TBK1: variants seen among roughly 807,000 people sequenced by gnomAD.
TBK1 encodes the protein serine/threonine-protein kinase TBK1.
A neutral mutation model predicts 99.9 loss-of-function variants in TBK1; 37 were observed. The observed-to-expected ratio is 0.37, with a 90% CI of 0.28 to 0.49. TBK1 has a LOEUF of 0.49. Among genes scored for constraint, TBK1 ranks in the 20% least tolerant of loss-of-function variants. The pLI is 0.98. For synonymous variants in TBK1, 258 were observed against 279.8 expected (o/e 0.92, Z 0.78); for missense variants, 644 against 872.5 (o/e 0.74, Z 3.30).
chr12:64,453,234 A>G (rs1035522615), intron 1 of TBK1, among the ~76,000 whole-genome samples: 3 of 152,250 alleles, frequency 2.0e-5, no homozygotes, highest in African/African-American at 7.2e-5. Context: ...TTACTGTTAA[A>G]TAGAAACCAT....
In TBK1 at chr12:64,485,457, T is replaced by C. The variant is rs781434264; in HGVS notation, c.1192T>C (p.Ser398Pro). The change falls in exon 10 of 21, where the codon TCC becomes CCC. Residue 398 changes from serine to proline, a missense_variant and splice_region_variant. This residue lies in a region of TBK1 where 465 missense variants were observed against 588.0 expected (regional missense o/e 0.79). Coordinates refer to ENST00000331710, the MANE Select transcript of TBK1 (RefSeq NM_013254.4). ...TTTTATTTTACTTCATATTTCAGTT[T>C]CCCTCCCTAAAGTACATCCACGTTA... The part of the protein sequence containing the change: ...NTIGLIYEKI[S>P]LPKVHPRYDL... The C allele has an allele frequency of 6.5e-7, 1 of 1,530,308 alleles. No individual in the cohort carries two copies. The highest frequency in any genetic ancestry group is 1.4e-5 in the African/African-American group (1 of 72,650). The allele number at this position is 1,530,308 out of a possible 1,614,324, so 94.8% of individuals were successfully genotyped here.
At chr12:64,476,176 G>A (rs1204168096) in intron 6 of TBK1, among the ~76,000 whole-genome samples, 2 of 32,262 alleles carry the variant, frequency 6.2e-5, no homozygotes, top group Non-Finnish European at 1.1e-4. Flanking sequence ...TTTTTTTTTT[G>A]AGATGGAGTC....
At chr12:64,453,836 A>G (rs571997147) in intron 1 of TBK1, among the ~76,000 whole-genome samples, 2 of 152,344 alleles carry the variant, frequency 1.3e-5, no homozygotes, top group South Asian at 4.1e-4. Flanking sequence ...GCTTTTCAGT[A>G]TTAAAGACTT....
In TBK1 at chr12:64,455,840, TATA is replaced by T; in HGVS notation, c.-29_-27del. The stretch of plus-strand genomic sequence containing the variant: ...GTTGCAAATTTTTTTTTTCTCTTAG[TATA>T]ACAAGAGGATTGCCTGATCCAGCCA... On this transcript the variant is annotated splice_region_variant and 5_prime_UTR_variant, in exon 2 of 21. Coordinates refer to ENST00000331710, the MANE Select transcript of TBK1 (RefSeq NM_013254.4). 6.4e-7 allele frequency: 1 copy of T among 1,567,192 alleles called. No homozygotes were observed. Among genetic ancestry groups the T allele is most frequent in the Non-Finnish European group, 8.6e-7 (1 of 1,157,082 alleles).
At chr12:64,490,469 AT>A (rs759058749) in intron 13 of TBK1, among the ~76,000 whole-genome samples, 2 of 151,844 alleles carry the variant, frequency 1.3e-5, no homozygotes, top group Non-Finnish European at 2.9e-5. Flanking sequence ...CTGCCTTGAA[AT>A]TTTTTGTAAC....
At chr12:64,465,873 T>C (rs2040598625) in intron 4 of TBK1, among the ~76,000 whole-genome samples, 1 of 152,186 alleles carries the variant, frequency 6.6e-6, no homozygotes, top group African/African-American at 2.4e-5. Context: ...ATACTAAAAA[T>C]GACTGAATTG....
intron 6 of TBK1, 116 bp downstream of exon 6, chr12:64,474,506 T>C: frequency 9.9e-7 from 1 of 1,007,456 alleles, no homozygotes; most frequent in Non-Finnish European, 1.4e-6. Flanking sequence ...TCATTTCTGA[T>C]ATTTTAAGCT....
intron 5 of TBK1, among the ~76,000 whole-genome samples, chr12:64,470,682 G>A (rs868015989): frequency 5.3e-5 from 8 of 152,162 alleles, no homozygotes; most frequent in Non-Finnish European, 1.2e-4. Context: ...TATATAGGAG[G>A]ATCATTTTTC....
At chr12:64,495,859 G>A (rs2040920244) in intron 15 of TBK1, 84 bp downstream of exon 15, 1 of 1,079,244 alleles carries the variant, frequency 9.3e-7, no homozygotes, top group Non-Finnish European at 1.3e-6. Context: ...TGGTATATCT[G>A]TAAGGGTAGC....
chr12:64,488,617 G>A (rs753567655), intron 12 of TBK1, 29 bp downstream of exon 12: 1 of 1,384,854 alleles, frequency 7.2e-7, no homozygotes, highest in Non-Finnish European at 1.0e-6. Context: ...TACTAGTAGG[G>A]GTTAAATTAT....
At chr12:64,482,917 G>T (rs911770595) in intron 8 of TBK1, among the ~76,000 whole-genome samples, 1 of 152,174 alleles carries the variant, frequency 6.6e-6, no homozygotes, top group Non-Finnish European at 1.5e-5. Context: ...GTAAAACTGG[G>T]GAAATTTGAG....
At position 64,454,269 on chromosome 12, in the gene TBK1, T is replaced by TG. The variant is rs1417182636; in HGVS notation, c.-31-1569dup. ...TGTTTGTTTTTGTTTCTTTTTGAGATGGAGTCTCGCTCTGTCACCCTGGCT... is the reference window on the plus strand; with the variant it reads ...TGTTTGTTTTTGTTTCTTTTTGAGATGGGAGTCTCGCTCTGTCACCCTGGCT... On this transcript the variant is annotated intron_variant, in intron 1 of 20. Coordinates refer to ENST00000331710, the MANE Select transcript of TBK1 (RefSeq NM_013254.4). Among the ~76,000 whole-genome samples, 3 of 152,294 alleles carry TG rather than the reference T, an allele frequency of 2.0e-5. No homozygotes were observed. The East Asian group carries it at 5.8e-4, about 29-fold the overall frequency.
intron 11 of TBK1, among the ~76,000 whole-genome samples, chr12:64,486,468 G>A (rs541195641): frequency 2.7e-5 from 4 of 149,750 alleles, no homozygotes; most frequent in African/African-American, 4.9e-5. Flanking sequence ...ACAGGGTCTC[G>A]CTGTCACCCA....
intron 1 of TBK1, among the ~76,000 whole-genome samples, chr12:64,454,826 G>T (rs566830527): frequency 7.3e-4 from 110 of 150,566 alleles, no homozygotes; most frequent in Non-Finnish European, 1.3e-3. Flanking sequence ...ACAGGCGCCC[G>T]CCACCATGCC....
intron 11 of TBK1, 70 bp downstream of exon 11, chr12:64,486,087 C>T: frequency 1.9e-6 from 2 of 1,049,456 alleles, no homozygotes; most frequent in Non-Finnish European, 2.8e-6. Context: ...TATTTTCTCT[C>T]TTCAAACTAG....
Position 64,497,621 on chromosome 12 carries a change from CT to C in TBK1, c.1960-11del, listed in dbSNP as rs71092972. The C allele has an allele frequency of 0.062, 62,424 of 1,002,762 alleles. No homozygotes were observed. The highest frequency in any genetic ancestry group is 0.084 in the East Asian group (2,963 of 35,096). The allele number at this position is 1,002,762 out of a possible 1,614,324, so 62.1% of individuals were successfully genotyped here. ...TCTGTGATTAATGTGGGGTTTTTTT[CT>C]TTTTTTTTTTTTTTTGATGTTTCAG... On this transcript the variant is annotated intron_variant, in intron 18 of 20. Coordinates refer to ENST00000331710, the MANE Select transcript of TBK1 (RefSeq NM_013254.4).
chr12:64,484,240 T>G (rs2040796365), intron 8 of TBK1, 63 bp from the exon 9 acceptor site: 9 of 1,066,238 alleles, frequency 8.4e-6, no homozygotes, highest in Non-Finnish European at 1.2e-5. Context: ...TGCACTCATT[T>G]AAAATATTTT....
intron 12 of TBK1, 71 bp downstream of exon 12, chr12:64,488,659 T>C (rs1302180212): frequency 9.0e-7 from 1 of 1,115,366 alleles, no homozygotes; most frequent in Non-Finnish European, 1.3e-6. Context: ...AATGACTTAG[T>C]TATCCTTGGC....
intron 5 of TBK1, among the ~76,000 whole-genome samples, chr12:64,473,478 CAG>C (rs1382712949): frequency 6.6e-6 from 1 of 152,092 alleles, no homozygotes; most frequent in East Asian, 1.9e-4. Context: ...TGAATCAGAA[CAG>C]AGGGAAACAT....
Sources: gnomAD v4.1 joint callset for allele counts (sites outside exome capture counted in the v4.1 genomes callset) on GRCh38, gnomAD v4.1.1 for gene constraint, gnomAD v4.1.1 regional missense constraint, MANE v1.5 for transcripts, NCBI Gene and HGNC (gene_info 2026-07-23, HGNC 2026-07-21) for gene names.